Variants in ACOT7 observed in about 807,000 individuals in gnomAD.
ACOT7 encodes the protein acyl-CoA thioesterase 7, also known as cytosolic acyl coenzyme A thioester hydrolase.
ACOT7 carries 12 observed loss-of-function variants against 40.2 expected under a neutral mutation model. That is an observed-to-expected ratio of 0.30 (90% CI 0.19 to 0.48). ACOT7 has a LOEUF of 0.48. Ranked by LOEUF, ACOT7 falls within the 20% of genes least tolerant of loss-of-function variation. The pLI is 0.99. For missense variants in ACOT7, 395 were observed against 530.8 expected (o/e 0.74, Z 2.51); for synonymous variants, 228 against 219.5 (o/e 1.04, Z -0.34).
chr1:6,323,508 A>G (rs987939014), intron 5 of ACOT7, among the ~76,000 whole-genome samples: 2 of 152,088 alleles, frequency 1.3e-5, no homozygotes, highest in Non-Finnish European at 2.9e-5. Context: ...GCCTGAGGTC[A>G]GGAGTTCGAG....
rs370181677 is a variant in ACOT7, at chr1:6,327,095, G to C, written c.625+204C>G. ...CTGAGTCACGCAGGTCGCCTTCCAG[G>C]TGTGTGACTGGAGGGGTCTACATGG... On this transcript the variant is annotated intron_variant, in intron 5 of 8. Transcript: ENST00000361521. Among the ~76,000 whole-genome samples the C allele has an allele frequency of 4.8e-4, 73 of 152,320 alleles. 1 individual carries two copies. In the South Asian group the frequency reaches 0.015, roughly 31 times the overall value.
At chr1:6,269,849 G>T (rs577523214) in intron 8 of ACOT7, among the ~76,000 whole-genome samples, 1 of 152,248 alleles carries the variant, frequency 6.6e-6, no homozygotes, top group African/African-American at 2.4e-5. Context: ...GAGCCTCAAC[G>T]TCACTGCGTG....
At chr1:6,366,812 C>T (rs939383120) in intron 1 of ACOT7, among the ~76,000 whole-genome samples, 4 of 152,000 alleles carry the variant, frequency 2.6e-5, no homozygotes, top group Non-Finnish European at 5.9e-5. Flanking sequence ...TGCACCACCA[C>T]ACCAGGCTAA....
intron 5 of ACOT7, 62 bp downstream of exon 5, chr1:6,327,237 T>C: frequency 6.5e-7 from 1 of 1,544,818 alleles, no homozygotes; most frequent in Non-Finnish European, 8.9e-7. Flanking sequence ...CCCGGCCTGC[T>C]CCTGCCTCCT....
intron 8 of ACOT7, 83 bp from the exon 9 acceptor site, chr1:6,264,778 C>T (rs1035401771): frequency 2.1e-6 from 3 of 1,426,442 alleles, no homozygotes; most frequent in Non-Finnish European, 1.9e-6. Context: ...TGGGGCCCTG[C>T]CCCCCACCCG....
At chr1:6,369,159 T>C (rs961518572) in intron 1 of ACOT7, among the ~76,000 whole-genome samples, 5 of 151,738 alleles carry the variant, frequency 3.3e-5, no homozygotes, top group Admixed American at 1.3e-4. Flanking sequence ...ACGTTTTGTA[T>C]TAGTAGAGAC....
At chr1:6,272,246 A>G (rs566502132) in intron 8 of ACOT7, among the ~76,000 whole-genome samples, 3 of 151,694 alleles carry the variant, frequency 2.0e-5, no homozygotes, top group Non-Finnish European at 4.4e-5. Context: ...TGGATGGATG[A>G]ATGAATGAAT....
Position 6,289,048 on chromosome 1 carries a change from C to T in ACOT7, c.829+5816G>A, listed in dbSNP as rs1213424258. 1.3e-5 allele frequency among the ~76,000 whole-genome samples: 2 copies of T among 152,194 alleles called. No individual in the cohort carries two copies. The highest frequency in any genetic ancestry group is 2.9e-5 in the Non-Finnish European group (2 of 68,042). Reference sequence around the variant, plus strand: ...CTTCCTGCCTTAAATCTGGAGAAGCCACCCCACAGGTCTGGCGTCTCCATT... The same window carrying T: ...CTTCCTGCCTTAAATCTGGAGAAGCTACCCCACAGGTCTGGCGTCTCCATT... On this transcript the variant is annotated intron_variant, in intron 7 of 8. Transcript: ENST00000361521. This position sits in a 1 kb window ranked among gnomAD's most constrained non-coding sequence, Gnocchi z 4.6.
At chr1:6,346,857 T>C (rs960822532) in intron 2 of ACOT7, among the ~76,000 whole-genome samples, 2 of 152,012 alleles carry the variant, frequency 1.3e-5, no homozygotes, top group African/African-American at 4.8e-5. Context: ...CAGAGCCTCA[T>C]GAGTTTGGGA....
At chr1:6,295,163 C>A in intron 6 of ACOT7, 183 bp from the exon 7 acceptor site, 9 of 483,358 alleles carry the variant, frequency 1.9e-5, no homozygotes, top group Non-Finnish European at 3.0e-5. Context: ...GGGGCTTCCT[C>A]AGGAGATTTT....
rs867155204 is a variant in ACOT7, at chr1:6,299,160, C to T, written c.713-4180G>A. ...GGCAGGCAGGTTGCCCTCCCTGAGC[C>T]GTGGGCTCAGTGTCTGTCAGGCAGA... On this transcript the variant is annotated intron_variant, in intron 6 of 8. Transcript: ENST00000361521. The surrounding 1 kb of genome is among the most constrained non-coding windows in gnomAD (Gnocchi z 4.1). 2.6e-5 allele frequency among the ~76,000 whole-genome samples: 4 copies of T among 152,222 alleles called. No individual in the cohort carries two copies. The highest frequency in any genetic ancestry group is 2.1e-4 in the South Asian group (1 of 4,832).
chr1:6,307,881 C>A (rs1032452568), intron 6 of ACOT7, among the ~76,000 whole-genome samples: 3 of 150,582 alleles, frequency 2.0e-5, no homozygotes, highest in Admixed American at 6.6e-5. Context: ...GAGGGAACCA[C>A]AACCAGACAG....
rs566570201 is a variant in ACOT7 at position 6,274,755 on chromosome 1, G to A, written c.1014+6347C>T. Among the ~76,000 whole-genome samples, 45 of 152,328 alleles carry A rather than the reference G, an allele frequency of 3.0e-4. No individual in the cohort carries two copies. In the East Asian group the frequency reaches 5.8e-3, roughly 20 times the overall value. Reference sequence around the variant, plus strand: ...GTGGCCTGTGGAGGTTCAGTCACCTGCCCAGCACTGGTCCTGAGATCATCT... The same window carrying A: ...GTGGCCTGTGGAGGTTCAGTCACCTACCCAGCACTGGTCCTGAGATCATCT... On this transcript the variant is annotated intron_variant, in intron 8 of 8. Transcript: ENST00000361521. The surrounding 1 kb of genome is among the most constrained non-coding windows in gnomAD (Gnocchi z 5.9).
intron 5 of ACOT7, among the ~76,000 whole-genome samples, chr1:6,323,770 A>ATG (rs1412974284): frequency 5.1e-4 from 71 of 139,200 alleles, no homozygotes; most frequent in African/African-American, 1.9e-3. Context: ...ATATATATAT[A>ATG]GACAAATTAT....
At position 6,306,918 on chromosome 1, in the gene ACOT7, C is replaced by T. The variant is rs1204832523; in HGVS notation, c.712+11574G>A. 6.2e-6 allele frequency: 8 copies of T among 1,288,954 alleles called. No homozygotes were observed. The highest frequency in any genetic ancestry group is 8.1e-6 in the Non-Finnish European group (8 of 988,626). The allele number at this position is 1,288,954 out of a possible 1,614,324, so 79.8% of individuals were successfully genotyped here. A position where few individuals can be genotyped will look rare whatever the true frequency, so the allele number is the denominator to read the frequency against. On this transcript the variant is annotated intron_variant, in intron 6 of 8. Coordinates refer to ENST00000361521, the MANE Select transcript of ACOT7 (RefSeq NM_007274.4). This position sits in a 1 kb window ranked among gnomAD's most constrained non-coding sequence, Gnocchi z 4.3. ...AAAAGATTGTTTTTTCACAACTGCC[C>T]CAAGAAGACCAAGTGAACAAGAGCG...
chr1:6,305,017 C>A (rs1227971563), intron 6 of ACOT7, among the ~76,000 whole-genome samples: 2 of 149,182 alleles, frequency 1.3e-5, no homozygotes, highest in Non-Finnish European at 1.5e-5. Flanking sequence ...GCTGGCCGGG[C>A]GGGGCGCTGA....
At chr1:6,339,738 G>GT in intron 2 of ACOT7, 149 bp from the exon 3 acceptor site, 14 of 762,268 alleles carry the variant, frequency 1.8e-5, no homozygotes, top group African/African-American at 2.3e-5. Flanking sequence ...TTGGCACCGC[G>GT]GTTTTTTTTT....
intron 1 of ACOT7, among the ~76,000 whole-genome samples, chr1:6,365,576 T>C (rs996799418): frequency 3.3e-5 from 5 of 152,144 alleles, no homozygotes; most frequent in Non-Finnish European, 5.9e-5. Flanking sequence ...GAGACCATCC[T>C]GGCTAACACG....
chr1:6,378,113 G>A (rs1251761555), intron 1 of ACOT7, among the ~76,000 whole-genome samples: 1 of 151,884 alleles, frequency 6.6e-6, no homozygotes, highest in African/African-American at 2.4e-5. Context: ...CCAGTTACAA[G>A]GCCAAAGCAT....
Sources: gnomAD v4.1 joint callset for allele counts (sites outside exome capture counted in the v4.1 genomes callset) on GRCh38, gnomAD v4.1.1 for gene constraint, Gnocchi (gnomAD v3.1) non-coding constraint, MANE v1.5 for transcripts, NCBI Gene and HGNC (gene_info 2026-07-23, HGNC 2026-07-21) for gene names.